Variants in CRTC1 observed in about 807,000 individuals in gnomAD.
CRTC1 encodes the protein CREB regulated transcription coactivator 1.
A neutral mutation model predicts 66.1 loss-of-function variants in CRTC1; 18 were observed. The ratio of observed to expected loss-of-function variants is 0.27; its 90% confidence interval spans 0.19 to 0.40. CRTC1 has a LOEUF of 0.40. CRTC1 is among the 10% of genes least tolerant of loss of function. The pLI is 1.00. For missense variants in CRTC1, 669 were observed against 887.9 expected (o/e 0.75, Z 3.13); for synonymous variants, 416 against 398.8 (o/e 1.04, Z -0.51).
At chr19:18,707,723 A>G (rs1478229305) in intron 1 of CRTC1, among the ~76,000 whole-genome samples, 1 of 152,216 alleles carries the variant, frequency 6.6e-6, no homozygotes, top group Non-Finnish European at 1.5e-5. Context: ...GGCCGGGCAC[A>G]GTGGTTCACG....
chr19:18,713,805 G>A (rs1304229970), intron 1 of CRTC1, among the ~76,000 whole-genome samples: 2 of 152,248 alleles, frequency 1.3e-5, no homozygotes, highest in Non-Finnish European at 2.9e-5. Flanking sequence ...CCAGCTGCAC[G>A]CGCGGGGAGG....
intron 1 of CRTC1, among the ~76,000 whole-genome samples, chr19:18,740,729 C>T (rs180937558): frequency 5.3e-5 from 8 of 152,270 alleles, no homozygotes; most frequent in African/African-American, 1.4e-4. Context: ...AGAGGCCAGG[C>T]GCGGTGACTC....
At chr19:18,745,773 A>G in intron 2 of CRTC1, 50 bp from the exon 3 acceptor site, 1 of 1,610,172 alleles carries the variant, frequency 6.2e-7, no homozygotes, top group Non-Finnish European at 8.5e-7. Context: ...CACAGCTGGT[A>G]ACCATTGTTT....
At chr19:18,739,897 G>T (rs11666888) in intron 1 of CRTC1, among the ~76,000 whole-genome samples, 32,361 of 151,916 alleles carry the variant, frequency 0.21, 3,907 homozygotes, top group East Asian at 0.52. Context: ...TCACTGGAAG[G>T]ACTCCCCAGA....
At chr19:18,714,601 C>T (rs561080392) in intron 1 of CRTC1, among the ~76,000 whole-genome samples, 25 of 152,302 alleles carry the variant, frequency 1.6e-4, no homozygotes, top group Admixed American at 7.2e-4. Context: ...CCACCACACT[C>T]GGCCTAAAAC....
intron 1 of CRTC1, among the ~76,000 whole-genome samples, chr19:18,726,703 G>A (rs544050489): frequency 1.8e-4 from 28 of 152,182 alleles, no homozygotes; most frequent in African/African-American, 6.0e-4. Context: ...CAAGGCGGGC[G>A]GATCATGAGG....
intron 9 of CRTC1, among the ~76,000 whole-genome samples, chr19:18,765,942 C>A (rs1185932716): frequency 6.6e-6 from 1 of 151,624 alleles, no homozygotes; most frequent in African/African-American, 2.4e-5. Context: ...CCCTGGGAGA[C>A]AGAGTGAGAC....
chr19:18,777,693 T>G lies in CRTC1; in HGVS notation c.*311T>G. ...CAGCCCCGGGGCCTGAGCCGTCCCCTGTAAGATGCGGGAAGTGTCAGCTCC... is the reference window on the plus strand; with the variant it reads ...CAGCCCCGGGGCCTGAGCCGTCCCCGGTAAGATGCGGGAAGTGTCAGCTCC... On this transcript the variant is annotated 3_prime_UTR_variant, in exon 14 of 14. Transcript: ENST00000321949. The surrounding 1 kb of genome is among the most constrained non-coding windows in gnomAD (Gnocchi z 5.5). The G allele has an allele frequency of 2.6e-6, 1 of 391,146 alleles. No individual in the cohort carries two copies. Among genetic ancestry groups the G allele is most frequent in the Non-Finnish European group, 4.7e-6 (1 of 215,034 alleles). The allele number at this position is 391,146 out of a possible 1,614,324, so 24.2% of individuals were successfully genotyped here.
At chr19:18,773,667 C>T (rs1004399879) in intron 11 of CRTC1, among the ~76,000 whole-genome samples, 1 of 152,200 alleles carries the variant, frequency 6.6e-6, no homozygotes, top group Non-Finnish European at 1.5e-5. Context: ...AACCTGAAGC[C>T]GTTGATTTTT....
chr19:18,775,428 A>G (rs1406540133), intron 12 of CRTC1, among the ~76,000 whole-genome samples: 3 of 152,084 alleles, frequency 2.0e-5, no homozygotes, highest in East Asian at 1.9e-4. Context: ...TTGCTCATCC[A>G]TTCATCCATT....
intron 1 of CRTC1, among the ~76,000 whole-genome samples, chr19:18,713,878 C>G (rs996600984): frequency 1.8e-4 from 28 of 152,336 alleles, no homozygotes; most frequent in African/African-American, 4.6e-4. Context: ...GCAGTATCTG[C>G]TGGGGTGAGC....
rs1470428432 is a variant in CRTC1 at position 18,760,351 on chromosome 19, G to T, written c.886+123G>T. ...AGGGCATGGGGGACAGGGCTGGGGG[G>T]CGGCCGACAGGCTGACCCAGCGGGC... On this transcript the variant is annotated intron_variant, in intron 8 of 13. Transcript: ENST00000321949. This position sits in a 1 kb window ranked among gnomAD's most constrained non-coding sequence, Gnocchi z 6.2. 1.2e-5 allele frequency: 10 copies of T among 846,830 alleles called. No homozygotes were observed. Among genetic ancestry groups the T allele is most frequent in the South Asian group, 1.7e-5 (1 of 59,428 alleles). The allele number at this position is 846,830 out of a possible 1,614,324, so 52.5% of individuals were successfully genotyped here. A position where few individuals can be genotyped will look rare whatever the true frequency, so the allele number is the denominator to read the frequency against.
intron 12 of CRTC1, 109 bp from the exon 13 acceptor site, chr19:18,775,532 G>A: frequency 9.7e-7 from 1 of 1,035,984 alleles, no homozygotes; most frequent in Non-Finnish European, 1.4e-6. Context: ...ATCCTGCAGG[G>A]ACAGAGTCCC....
chr19:18,747,129 A>ACAC lies in CRTC1; in HGVS notation c.443+16_443+17insACC, dbSNP rs2054259725. 1.2e-5 allele frequency: 13 copies of ACAC among 1,109,962 alleles called. No individual in the cohort carries two copies. The highest frequency in any genetic ancestry group is 6.5e-5 in the African/African-American group (3 of 46,352). 68.8% of individuals were successfully genotyped at this position (1,109,962 alleles called of 1,614,324 possible). On this transcript the variant is annotated intron_variant, in intron 4 of 13. Coordinates refer to ENST00000321949, the MANE Select transcript of CRTC1 (RefSeq NM_015321.3). ...AGCTGGAGAAGGTCAGTGGCTGGACACCCCCCCCCCGCCCCCTTCTTGTTG... is the reference window on the plus strand; with the variant it reads ...AGCTGGAGAAGGTCAGTGGCTGGACACACCCCCCCCCCCGCCCCCTTCTTGTTG...
At chr19:18,730,222 G>A (rs1219074285) in intron 1 of CRTC1, among the ~76,000 whole-genome samples, 1 of 152,076 alleles carries the variant, frequency 6.6e-6, no homozygotes, top group Non-Finnish European at 1.5e-5. Context: ...ACGAGGTAAG[G>A]GCTTTTTGCC....
At chr19:18,764,003 G>A (rs899586323) in intron 8 of CRTC1, among the ~76,000 whole-genome samples, 2 of 152,216 alleles carry the variant, frequency 1.3e-5, no homozygotes, top group African/African-American at 4.8e-5. Context: ...TGCAAAGGGC[G>A]CTTGCTGCCT....
intron 1 of CRTC1, among the ~76,000 whole-genome samples, chr19:18,704,539 C>T (rs1196598442): frequency 1.3e-5 from 2 of 152,062 alleles, no homozygotes; most frequent in East Asian, 3.8e-4. Context: ...TGTTGAAACC[C>T]CGTCTCTATT....
intron 1 of CRTC1, among the ~76,000 whole-genome samples, chr19:18,738,408 C>T (rs1411440206): frequency 6.6e-6 from 1 of 152,118 alleles, no homozygotes; most frequent in African/African-American, 2.4e-5. Flanking sequence ...GGTCAGCTCC[C>T]CAATCCCCGT....
intron 2 of CRTC1, among the ~76,000 whole-genome samples, chr19:18,744,760 G>A (rs1160964905): frequency 6.6e-6 from 1 of 152,126 alleles, no homozygotes; most frequent in Non-Finnish European, 1.5e-5. Context: ...GCCTTTTGGG[G>A]GCAAGAGCCA....
Sources: allele counts gnomAD v4.1 joint callset (sites outside exome capture counted in the v4.1 genomes callset), GRCh38; gene constraint gnomAD v4.1.1; non-coding constraint Gnocchi (gnomAD v3.1); transcripts MANE v1.5; gene names NCBI Gene and HGNC (gene_info 2026-07-23, HGNC 2026-07-21).